Variants in ERN1 observed in about 807,000 individuals in gnomAD.
ERN1 encodes the protein endoplasmic reticulum to nucleus signaling 1.
ERN1 carries 39 observed loss-of-function variants against 113.1 expected under a neutral mutation model. That is an observed-to-expected ratio of 0.34 (90% CI 0.27 to 0.45). ERN1 has a LOEUF of 0.45. Ranked by LOEUF, ERN1 falls within the 20% of genes least tolerant of loss-of-function variation. The pLI is 1.00. For missense variants in ERN1, 976 were observed against 1,274.8 expected, an observed-to-expected ratio of 0.77 and a Z score of 3.57; for synonymous variants, 507 against 515.9, an observed-to-expected ratio of 0.98 and a Z score of 0.23.
chr17:64,115,907 C>T (rs1408488672), intron 1 of ERN1, among the ~76,000 whole-genome samples: 1 of 152,174 alleles, frequency 6.6e-6, no homozygotes, highest in Non-Finnish European at 1.5e-5. Context: ...TCAGGCTTTG[C>T]TGCAGCTTCT....
intron 18 of ERN1, among the ~76,000 whole-genome samples, 181 bp downstream of exon 18, chr17:64,048,874 A>G (rs1191768720): frequency 6.6e-6 from 1 of 152,164 alleles, no homozygotes; most frequent in Non-Finnish European, 1.5e-5. Context: ...GTGGCGCCCC[A>G]GAGATAACCC....
intron 2 of ERN1, among the ~76,000 whole-genome samples, chr17:64,081,592 G>A (rs1404670668): frequency 6.6e-6 from 1 of 152,110 alleles, no homozygotes; most frequent in African/African-American, 2.4e-5. Context: ...ATGCAACTAT[G>A]GGGAAAGGCT....
rs188555418 is a variant in ERN1, at chr17:64,110,063, G to A, written c.55-11822C>T. On this transcript the variant is annotated intron_variant, in intron 1 of 21. Transcript: ENST00000433197. The stretch of plus-strand genomic sequence containing the variant: ...GGGAGGGGTCTTTAAAAAATGTTCA[G>A]CATGAAAATTCCTGAGATCTCACTG... Among the ~76,000 whole-genome samples the A allele has an allele frequency of 2.2e-4, 33 of 152,230 alleles. No individual in the cohort carries two copies. In the East Asian group the frequency reaches 3.9e-3, roughly 18 times the overall value.
At chr17:64,095,982 G>A (rs927753876) in intron 2 of ERN1, among the ~76,000 whole-genome samples, 1 of 152,210 alleles carries the variant, frequency 6.6e-6, no homozygotes, top group African/African-American at 2.4e-5. Context: ...AGTGGTTACA[G>A]GACTCGGCTG....
Position 64,049,300 on chromosome 17 carries a change from A to G in ERN1, c.2254-98T>C. The stretch of plus-strand genomic sequence containing the variant: ...AGCATTGCTGCTGCTTCTGCCACCT[A>G]GAAGGTGTCCTGGGAGAATCAGCTG... On this transcript the variant is annotated intron_variant, in intron 17 of 21. Transcript: ENST00000433197. This position sits in a 1 kb window ranked among gnomAD's most constrained non-coding sequence, Gnocchi z 4.7. 1 of 1,277,736 alleles carries G rather than the reference A, an allele frequency of 7.8e-7. No individual in the cohort carries two copies. Among genetic ancestry groups the G allele is most frequent in the South Asian group, 1.6e-5 (1 of 64,374 alleles). The allele number at this position is 1,277,736 out of a possible 1,614,324, so 79.1% of individuals were successfully genotyped here.
intron 19 of ERN1, among the ~76,000 whole-genome samples, chr17:64,046,456 C>T (rs369921954): frequency 2.6e-5 from 4 of 152,246 alleles, no homozygotes; most frequent in Non-Finnish European, 4.4e-5. Flanking sequence ...CTATATTTTG[C>T]GATCAAAATG....
In ERN1 at chr17:64,043,866, C is replaced by T; in HGVS notation, c.*122G>A. The T allele has an allele frequency of 4.3e-6, 3 of 697,708 alleles. No homozygotes were observed. The highest frequency in any genetic ancestry group is 3.6e-5 in the South Asian group (2 of 55,408). The allele number at this position is 697,708 out of a possible 1,614,324, so 43.2% of individuals were successfully genotyped here. A position where few individuals can be genotyped will look rare whatever the true frequency, so the allele number is the denominator to read the frequency against. On this transcript the variant is annotated 3_prime_UTR_variant, in exon 22 of 22. Transcript: ENST00000433197. ...CCTCTGTGGGCTGCAGAGCAGGCAGCTCAAGGCACTTGGTTTGGGAAGCCT... is the reference window on the plus strand; with the variant it reads ...CCTCTGTGGGCTGCAGAGCAGGCAGTTCAAGGCACTTGGTTTGGGAAGCCT...
chr17:64,058,613 C>T lies in ERN1; in HGVS notation c.1207-620G>A, dbSNP rs144813306. On this transcript the variant is annotated intron_variant, in intron 11 of 21. Transcript: ENST00000433197. ...TTAAATCAGATAAAAATGGAGCTTCCCTAGAGTTCCTCAGAATCTCTAAGA... is the reference window on the plus strand; with the variant it reads ...TTAAATCAGATAAAAATGGAGCTTCTCTAGAGTTCCTCAGAATCTCTAAGA... 5.3e-5 allele frequency among the ~76,000 whole-genome samples: 8 copies of T among 151,980 alleles called. No homozygotes were observed. In the East Asian group the frequency reaches 1.5e-3, roughly 29 times the overall value.
intron 1 of ERN1, chr17:64,129,459 T>G (rs1365975616): frequency 5.1e-6 from 1 of 195,474 alleles, no homozygotes; most frequent in East Asian, 1.2e-4. Flanking sequence ...TACTCCCTGT[T>G]GCATTCGTTC....
chr17:64,068,043 TATGATAAGCCC>T, intron 7 of ERN1, 136 bp downstream of exon 7: 1 of 612,218 alleles, frequency 1.6e-6, no homozygotes, highest in Non-Finnish European at 2.9e-6. Flanking sequence ...GGGAAGTATT[TATGATAAGCCC>T]ATGAAAAGTC....
At position 64,060,456 on chromosome 17, in the gene ERN1, C is replaced by T; in HGVS notation, c.1206+13G>A. 3 of 1,572,320 alleles carry T rather than the reference C, an allele frequency of 1.9e-6. No homozygotes were observed. Among genetic ancestry groups the T allele is most frequent in the Non-Finnish European group, 2.6e-6 (3 of 1,141,900 alleles). On this transcript the variant is annotated intron_variant, in intron 11 of 21. Coordinates refer to ENST00000433197, the MANE Select transcript of ERN1 (RefSeq NM_001433.5). ...AACACCAACAACCCCCGACTGGTCG[C>T]TTCCTCACTCACTTCCTCAAAGCTC...
chr17:64,121,786 C>T (rs62073086), intron 1 of ERN1, among the ~76,000 whole-genome samples: 12 of 152,152 alleles, frequency 7.9e-5, no homozygotes, highest in Non-Finnish European at 1.6e-4. Context: ...TGTGCCCAGC[C>T]GAGCAGGCTT....
intron 19 of ERN1, among the ~76,000 whole-genome samples, chr17:64,045,873 C>T (rs1234025562): frequency 1.3e-5 from 2 of 152,208 alleles, no homozygotes; most frequent in Admixed American, 6.5e-5. Context: ...TGTCTACTCA[C>T]TGAAACAGGG....
In ERN1 at chr17:64,044,958, ATC is replaced by A; in HGVS notation, c.2654-33_2654-32del. Reference sequence around the variant, plus strand: ...AAAACATTGAGGGAAGCAATGGGTAATCAAATTTAAAACTAATACATTTTAAA... The same window carrying A: ...AAAACATTGAGGGAAGCAATGGGTAAAAATTTAAAACTAATACATTTTAAA... On this transcript the variant is annotated intron_variant, in intron 20 of 21. Transcript: ENST00000433197. The surrounding 1 kb of genome is among the most constrained non-coding windows in gnomAD (Gnocchi z 4.1). 1 of 1,460,424 alleles carries A rather than the reference ATC, an allele frequency of 6.8e-7. No individual in the cohort carries two copies. Among genetic ancestry groups the A allele is most frequent in the Non-Finnish European group, 9.4e-7 (1 of 1,058,472 alleles). The allele number at this position is 1,460,424 out of a possible 1,614,324, so 90.5% of individuals were successfully genotyped here. A position where few individuals can be genotyped will look rare whatever the true frequency, so the allele number is the denominator to read the frequency against.
chr17:64,070,633 A>C (rs1913380290), intron 6 of ERN1, among the ~76,000 whole-genome samples: 1 of 152,230 alleles, frequency 6.6e-6, no homozygotes, highest in Non-Finnish European at 1.5e-5. Flanking sequence ...ACTGAGTTTT[A>C]GAAATGCAGT....
intron 10 of ERN1, 24 bp from the exon 11 acceptor site, chr17:64,060,611 A>G (rs1913024148): frequency 1.3e-6 from 2 of 1,550,654 alleles, no homozygotes; most frequent in Non-Finnish European, 1.8e-6. Flanking sequence ...CAAAACCTTT[A>G]GTGAGAACAA....
intron 2 of ERN1, among the ~76,000 whole-genome samples, chr17:64,090,977 G>GC (rs1369942408): frequency 6.6e-6 from 1 of 152,170 alleles, no homozygotes; most frequent in Admixed American, 6.5e-5. Context: ...TTCTCTCACA[G>GC]CCCCTTTCAT....
chr17:64,041,696 C>T lies in ERN1; in HGVS notation c.*2292G>A, dbSNP rs1051071762. 1 of 152,200 alleles carries T rather than the reference C, an allele frequency of 6.6e-6. No homozygotes were observed. Among genetic ancestry groups the T allele is most frequent in the African/African-American group, 2.4e-5 (1 of 41,446 alleles). 9.4% of individuals were successfully genotyped at this position (152,200 alleles called of 1,614,324 possible). On this transcript the variant is annotated 3_prime_UTR_variant, in exon 22 of 22. Coordinates refer to ENST00000433197, the MANE Select transcript of ERN1 (RefSeq NM_001433.5). ...GCAAACACGCGCCCTTCCCCACACA[C>T]TTTGGTTTCTTTGTGGCAGCAACAC...
intron 7 of ERN1, 77 bp from the exon 8 acceptor site, chr17:64,067,009 T>C: frequency 2.0e-6 from 3 of 1,490,786 alleles, no homozygotes; most frequent in Non-Finnish European, 1.8e-6. Flanking sequence ...TGTGGCAGGC[T>C]CTAGTCACTC....
Sources: allele counts gnomAD v4.1 joint callset (sites outside exome capture counted in the v4.1 genomes callset), GRCh38; gene constraint gnomAD v4.1.1; non-coding constraint Gnocchi (gnomAD v3.1); transcripts MANE v1.5; gene names NCBI Gene and HGNC (gene_info 2026-07-23, HGNC 2026-07-21).